FSHR: variants seen among roughly 807,000 people sequenced by gnomAD.
The protein encoded by FSHR is follicle stimulating hormone receptor, also known as follicle-stimulating hormone receptor.
FSHR carries 46 observed loss-of-function variants against 52.1 expected under a neutral mutation model. The observed-to-expected ratio is 0.88, with a 90% CI of 0.70 to 1.13. FSHR has a LOEUF of 1.13. Among genes scored for constraint, FSHR ranks in the 50% most tolerant of loss-of-function variants. FSHR has a pLI of 0.00. For missense variants in FSHR, 964 were observed against 834.6 expected, an observed-to-expected ratio of 1.16 and a Z score of -1.91; for synonymous variants, 399 against 309.6, an observed-to-expected ratio of 1.29 and a Z score of -3.03.
chr2:49,115,662 T>C (rs1558449302), intron 1 of FSHR, among the ~76,000 whole-genome samples: 2 of 152,234 alleles, frequency 1.3e-5, no homozygotes, highest in South Asian at 2.1e-4. Flanking sequence ...TATTGTATCA[T>C]GACAAGGGTA....
At chr2:49,120,659 G>A (rs1185473964) in intron 1 of FSHR, among the ~76,000 whole-genome samples, 1 of 151,972 alleles carries the variant, frequency 6.6e-6, no homozygotes, top group African/African-American at 2.4e-5. Context: ...ACACTTTCTG[G>A]GTTCAAATCC....
At chr2:49,145,434 A>G (rs541466041) in intron 1 of FSHR, among the ~76,000 whole-genome samples, 1 of 152,160 alleles carries the variant, frequency 6.6e-6, no homozygotes, top group South Asian at 2.1e-4. Flanking sequence ...AAGTGGCCCT[A>G]TATAGCCCCT....
At position 48,962,952 on chromosome 2, in the gene FSHR, G is replaced by C. The variant is rs761868443; in HGVS notation, c.1869C>G (p.Pro623=). The C allele has an allele frequency of 1.2e-6, 2 of 1,614,148 alleles. No homozygotes were observed. Among genetic ancestry groups the C allele is most frequent in the East Asian group, 4.5e-5 (2 of 44,876 alleles). The change falls in exon 10 of 10, where the codon CCC becomes CCG. Residue 623 remains proline (P), a synonymous_variant. Transcript: ENST00000406846. ...LFHPINSCAN[P]FLYAIFTKNF... Reference sequence around the variant, plus strand: ...TTTTGGTAAAGATGGCATAGAGGAAGGGGTTGGCACAGGAGTTGATGGGGT... The same window carrying C: ...TTTTGGTAAAGATGGCATAGAGGAACGGGTTGGCACAGGAGTTGATGGGGT...
At chr2:49,049,824 AATATATATATATATAT>A (rs5831020) in intron 2 of FSHR, among the ~76,000 whole-genome samples, 2 of 144,858 alleles carry the variant, frequency 1.4e-5, no homozygotes, top group South Asian at 2.2e-4. Flanking sequence ...CCCCTACTCT[AATATATATATATATAT>A]ATATATATAT....
intron 1 of FSHR, among the ~76,000 whole-genome samples, chr2:49,075,931 C>T (rs144141777): frequency 3.9e-4 from 60 of 152,258 alleles, no homozygotes; most frequent in African/African-American, 1.3e-3. Flanking sequence ...TGAGACACCA[C>T]AGCTAGACTA....
intron 2 of FSHR, among the ~76,000 whole-genome samples, chr2:49,052,306 T>C (rs1668889362): frequency 6.6e-6 from 1 of 152,186 alleles, no homozygotes; most frequent in African/African-American, 2.4e-5. Context: ...TGATCTTATG[T>C]CCTGCCAACC....
At chr2:49,029,322 A>T (rs1473255570) in intron 2 of FSHR, among the ~76,000 whole-genome samples, 1 of 152,198 alleles carries the variant, frequency 6.6e-6, no homozygotes, top group South Asian at 2.1e-4. Flanking sequence ...GTTTCGTGAA[A>T]AAACAACAAC....
At chr2:49,031,049 C>T (rs1668081760) in intron 2 of FSHR, among the ~76,000 whole-genome samples, 1 of 152,160 alleles carries the variant, frequency 6.6e-6, no homozygotes. Flanking sequence ...TTAGGCCACC[C>T]AAGATATTGG....
At chr2:49,061,014 C>G (rs747503802) in intron 2 of FSHR, among the ~76,000 whole-genome samples, 2 of 152,098 alleles carry the variant, frequency 1.3e-5, no homozygotes. Flanking sequence ...TACCTTTCTC[C>G]CCCTGCCCAT....
intron 1 of FSHR, among the ~76,000 whole-genome samples, chr2:49,106,066 G>A: frequency 6.6e-6 from 1 of 152,168 alleles, no homozygotes; most frequent in East Asian, 1.9e-4. Context: ...AAGGCCAAAG[G>A]AGGGAATATT....
chr2:48,987,685 C>T (rs1370681604), intron 6 of FSHR, among the ~76,000 whole-genome samples: 3 of 152,100 alleles, frequency 2.0e-5, no homozygotes, highest in Admixed American at 1.3e-4. Flanking sequence ...CTTTAACCCT[C>T]GCATCACAGA....
intron 2 of FSHR, among the ~76,000 whole-genome samples, chr2:49,030,943 T>C (rs1201284226): frequency 6.6e-6 from 1 of 152,176 alleles, no homozygotes; most frequent in Non-Finnish European, 1.5e-5. Context: ...TTTATGAGAC[T>C]ACCAATGCCT....
intron 4 of FSHR, among the ~76,000 whole-genome samples, chr2:48,991,342 G>A (rs973227516): frequency 1.3e-5 from 2 of 152,136 alleles, no homozygotes; most frequent in African/African-American, 4.8e-5. Flanking sequence ...GCAAGGAGGT[G>A]AAGCTAAGCA....
chr2:49,033,273 G>A (rs766414481), intron 2 of FSHR, among the ~76,000 whole-genome samples: 12 of 152,298 alleles, frequency 7.9e-5, no homozygotes, highest in Middle Eastern at 3.4e-3. Flanking sequence ...TCTCTCCCCA[G>A]AGTTGAGTGT....
chr2:49,022,119 C>T lies in FSHR; in HGVS notation c.225-1959G>A, dbSNP rs192452026. On this transcript the variant is annotated intron_variant, in intron 2 of 9. Transcript: ENST00000406846. ...GGAAAAGGCTAGCTAACAGGAAGGG[C>T]TCAAATGCAAATAAGGCCATCTCCT... is the stretch of plus-strand genomic sequence containing the variant. Among the ~76,000 whole-genome samples, 36 of 151,568 alleles carry T rather than the reference C, an allele frequency of 2.4e-4. No individual in the cohort carries two copies. The East Asian group carries it at 6.9e-3, about 29-fold the overall frequency.
At chr2:49,089,529 A>T (rs2103685725) in intron 1 of FSHR, among the ~76,000 whole-genome samples, 1 of 152,332 alleles carries the variant, frequency 6.6e-6, no homozygotes, top group East Asian at 1.9e-4. Context: ...GAGACTCTTC[A>T]TTAAAAAATA....
intron 8 of FSHR, among the ~76,000 whole-genome samples, chr2:48,973,981 ATGAAATCTATTGAGTAAGTAGTTGTC>A (rs1434406067): frequency 1.3e-5 from 2 of 152,184 alleles, no homozygotes; most frequent in African/African-American, 4.8e-5. Context: ...ATTTGGGCTC[ATGAAATCTATTGAGTAAGTAGTTGTC>A]TGATAAGCAG....
intron 8 of FSHR, among the ~76,000 whole-genome samples, chr2:48,970,595 A>T (rs2104014345): frequency 6.6e-6 from 1 of 152,280 alleles, no homozygotes; most frequent in Non-Finnish European, 1.5e-5. Context: ...CAATCTTTTC[A>T]GGTGATCTCA....
intron 1 of FSHR, among the ~76,000 whole-genome samples, chr2:49,135,671 C>G (rs181488411): frequency 6.6e-6 from 1 of 152,220 alleles, no homozygotes; most frequent in Admixed American, 6.5e-5. Context: ...TAAAAAAATT[C>G]ACGCATAACT....
Sources: allele counts gnomAD v4.1 joint callset (sites outside exome capture counted in the v4.1 genomes callset), GRCh38; gene constraint gnomAD v4.1.1; transcripts MANE v1.5; gene names NCBI Gene and HGNC (gene_info 2026-07-23, HGNC 2026-07-21).